The following CTNND2 variants were observed in gnomAD, a reference collection of about 807,000 sequenced individuals.
CTNND2 encodes catenin delta 2, also known as catenin delta-2.
A neutral mutation model predicts 144.4 loss-of-function variants in CTNND2; 22 were observed. The ratio of observed to expected loss-of-function variants is 0.15; its 90% CI spans 0.11 to 0.22. The LOEUF is 0.22. CTNND2 is among the 10% of genes least tolerant of loss of function. The pLI is 1.00. For missense variants in CTNND2, 1,353 were observed against 1,618.8 expected (o/e 0.84, Z 2.82); for synonymous variants, 751 against 695.6 (o/e 1.08, Z -1.25).
At chr5:11,212,353 C>T (rs920347412) in intron 10 of CTNND2, among the ~76,000 whole-genome samples, 3 of 152,168 alleles carry the variant, frequency 2.0e-5, no homozygotes, top group African/African-American at 7.2e-5. Context: ...GGAAGAAATA[C>T]CAGCTGAACT....
intron 18 of CTNND2, among the ~76,000 whole-genome samples, chr5:11,004,764 T>G (rs1222765094): frequency 2.2e-5 from 3 of 134,334 alleles, no homozygotes; most frequent in Non-Finnish European, 3.1e-5. Flanking sequence ...GTGAAACTCC[T>G]TCTCACAAAA....
At chr5:11,760,955 T>C (rs921136652) in intron 1 of CTNND2, among the ~76,000 whole-genome samples, 2 of 152,198 alleles carry the variant, frequency 1.3e-5, no homozygotes, top group South Asian at 2.1e-4. Flanking sequence ...CTGCCTGTTA[T>C]GTGATTGTTT....
chr5:11,872,864 A>G (rs987420215), intron 1 of CTNND2, among the ~76,000 whole-genome samples: 2 of 152,172 alleles, frequency 1.3e-5, no homozygotes, highest in Non-Finnish European at 2.9e-5. Context: ...CAGATTAAAG[A>G]CTTCAACATA....
intron 3 of CTNND2, among the ~76,000 whole-genome samples, chr5:11,532,605 C>G (rs1427008353): frequency 6.6e-6 from 1 of 152,074 alleles, no homozygotes; most frequent in Non-Finnish European, 1.5e-5. Context: ...ATAAATCGGG[C>G]AACTCACCAA....
At chr5:11,643,939 T>C in intron 2 of CTNND2, among the ~76,000 whole-genome samples, 1 of 152,212 alleles carries the variant, frequency 6.6e-6, no homozygotes, top group Non-Finnish European at 1.5e-5. Context: ...TCATATTTAT[T>C]AATGAAAATA....
At position 11,103,014 on chromosome 5, in the gene CTNND2, C is replaced by T. The variant is rs1313051102; in HGVS notation, c.2464-4266G>A. 1.0e-4 allele frequency among the ~76,000 whole-genome samples: 12 copies of T among 114,748 alleles called. No homozygotes were observed. In the Admixed American group the frequency reaches 1.2e-3, roughly 11 times the overall value. 75.3% of individuals were successfully genotyped at this position (114,748 alleles called of 152,430 possible). ...TTTTTTTTTTTGAGACAGAGTCTCACTCTGTCACCCAGGCTGGAGTGCAGT... is the reference window on the plus strand; with the variant it reads ...TTTTTTTTTTTGAGACAGAGTCTCATTCTGTCACCCAGGCTGGAGTGCAGT... On this transcript the variant is annotated intron_variant, in intron 14 of 21. Coordinates refer to ENST00000304623, the MANE Select transcript of CTNND2 (RefSeq NM_001332.4).
chr5:11,383,886 G>A (rs998592956), intron 7 of CTNND2, among the ~76,000 whole-genome samples: 5 of 152,186 alleles, frequency 3.3e-5, no homozygotes, highest in Non-Finnish European at 1.5e-5. Context: ...CAGCAGAGAG[G>A]CACCAGCGCA....
At chr5:11,077,262 A>T (rs943016893) in intron 16 of CTNND2, among the ~76,000 whole-genome samples, 1 of 152,182 alleles carries the variant, frequency 6.6e-6, no homozygotes, top group Non-Finnish European at 1.5e-5. Flanking sequence ...TGGAAATAAA[A>T]CAAGATGAAT....
chr5:11,545,839 A>C (rs1775191987), intron 3 of CTNND2, among the ~76,000 whole-genome samples: 1 of 152,150 alleles, frequency 6.6e-6, no homozygotes, highest in South Asian at 2.1e-4. Context: ...CAATATCCAA[A>C]AGGTAGAAAC....
chr5:11,551,569 C>T (rs1775771076), intron 3 of CTNND2, among the ~76,000 whole-genome samples: 1 of 151,144 alleles, frequency 6.6e-6, no homozygotes, highest in Non-Finnish European at 1.5e-5. Context: ...CAGATGCATG[C>T]CACCACACCC....
At chr5:11,031,735 G>GGT (rs1308116217) in intron 16 of CTNND2, among the ~76,000 whole-genome samples, 1 of 152,086 alleles carries the variant, frequency 6.6e-6, no homozygotes, top group Admixed American at 6.6e-5. Context: ...GGTGGAAAAA[G>GGT]GTGTGATAAG....
At chr5:11,722,446 G>A (rs1008774510) in intron 2 of CTNND2, among the ~76,000 whole-genome samples, 1 of 152,176 alleles carries the variant, frequency 6.6e-6, no homozygotes, top group African/African-American at 2.4e-5. Context: ...ATAAAAAAGT[G>A]CCAACAATAA....
At chr5:11,001,603 T>C (rs997322238) in intron 18 of CTNND2, among the ~76,000 whole-genome samples, 1 of 152,238 alleles carries the variant, frequency 6.6e-6, no homozygotes, top group Non-Finnish European at 1.5e-5. Flanking sequence ...TCTTACACTC[T>C]ATTCTATAAG....
At chr5:11,788,713 T>C (rs1377015392) in intron 1 of CTNND2, among the ~76,000 whole-genome samples, 6 of 152,104 alleles carry the variant, frequency 3.9e-5, no homozygotes, top group African/African-American at 1.4e-4. Context: ...AGTTCTAGGG[T>C]ACATGTGCGC....
intron 13 of CTNND2, among the ~76,000 whole-genome samples, chr5:11,116,655 C>A (rs1045273409): frequency 1.1e-4 from 16 of 152,122 alleles, no homozygotes; most frequent in African/African-American, 2.9e-4. Context: ...GTTGGGAAGC[C>A]CCATTTATTT....
At chr5:11,726,321 A>G (rs901327212) in intron 2 of CTNND2, among the ~76,000 whole-genome samples, 1 of 152,198 alleles carries the variant, frequency 6.6e-6, no homozygotes, top group Admixed American at 6.5e-5. Flanking sequence ...ATATGAAAAA[A>G]TACTCCTCAT....
At chr5:11,731,205 C>T (rs900229430) in intron 2 of CTNND2, among the ~76,000 whole-genome samples, 3 of 152,200 alleles carry the variant, frequency 2.0e-5, no homozygotes, top group Non-Finnish European at 4.4e-5. Flanking sequence ...TCATTGATCC[C>T]TTCGGTCAGT....
intron 9 of CTNND2, among the ~76,000 whole-genome samples, chr5:11,263,115 C>T (rs956605750): frequency 2.6e-5 from 4 of 152,170 alleles, no homozygotes; most frequent in Non-Finnish European, 5.9e-5. Context: ...GACAAGAGAA[C>T]ACCTCTTCTA....
In CTNND2 at chr5:11,372,396, T is replaced by C. The variant is rs554595095; in HGVS notation, c.1178-7506A>G. ...GCAGGCATCTGGAAAATAATGATAG[T>C]GGTAACGGAGTATAATGAGTAATGT... is the stretch of plus-strand genomic sequence containing the variant. On this transcript the variant is annotated intron_variant, in intron 7 of 21. Coordinates refer to ENST00000304623, the MANE Select transcript of CTNND2 (RefSeq NM_001332.4). 6.6e-5 allele frequency among the ~76,000 whole-genome samples: 10 copies of C among 152,230 alleles called. No individual in the cohort carries two copies. The East Asian group carries it at 1.9e-3, about 29-fold the overall frequency.
Sources: allele counts gnomAD v4.1 joint callset (sites outside exome capture counted in the v4.1 genomes callset), GRCh38; gene constraint gnomAD v4.1.1; transcripts MANE v1.5; gene names NCBI Gene and HGNC (gene_info 2026-07-23, HGNC 2026-07-21).